The following FAM168A variants were observed in gnomAD, a reference collection of about 807,000 sequenced individuals.
The protein encoded by FAM168A is protein FAM168A.
FAM168A carries 3 observed loss-of-function variants against 28.5 expected under a neutral mutation model. The ratio of observed to expected loss-of-function variants is 0.11; its 90% CI spans 0.05 to 0.27. The LOEUF (loss-of-function observed/expected upper bound fraction) is 0.27, where lower values mean the gene tolerates loss of function less well. Among genes scored for constraint, FAM168A ranks in the 10% least tolerant of loss-of-function variants. The probability of loss-of-function intolerance (pLI) is 1.00; values close to 1 mark genes in which losing one functional copy is unlikely to be tolerated. For missense variants in FAM168A, 222 were observed against 311.5 expected (o/e 0.71, Z 2.16); for synonymous variants, 122 against 124.2 (o/e 0.98, Z 0.12).
chr11:73,447,966 A>G (rs1263547509), intron 2 of FAM168A, among the ~76,000 whole-genome samples: 1 of 152,220 alleles, frequency 6.6e-6, no homozygotes, highest in African/African-American at 2.4e-5. Flanking sequence ...ATAAAACGGG[A>G]TAATAATCAC....
chr11:73,472,775 G>C (rs1173095399), intron 1 of FAM168A, among the ~76,000 whole-genome samples: 1 of 152,130 alleles, frequency 6.6e-6, no homozygotes, highest in Non-Finnish European at 1.5e-5. Flanking sequence ...AGGTATGAGA[G>C]GAAGAAAGAC....
chr11:73,549,956 A>T (rs1943806360), intron 1 of FAM168A, among the ~76,000 whole-genome samples: 2 of 152,270 alleles, frequency 1.3e-5, no homozygotes, highest in Non-Finnish European at 2.9e-5. Flanking sequence ...TGTTTCTAGA[A>T]GGAATTTCTT....
intron 1 of FAM168A, among the ~76,000 whole-genome samples, chr11:73,544,961 A>G (rs1472520805): frequency 1.1e-5 from 1 of 92,500 alleles, no homozygotes; most frequent in East Asian, 2.5e-4. Context: ...TATATTATAT[A>G]TAATATATAT....
intron 2 of FAM168A, among the ~76,000 whole-genome samples, chr11:73,456,578 T>C (rs559710751): frequency 2.6e-5 from 4 of 152,364 alleles, no homozygotes; most frequent in African/African-American, 7.2e-5. Context: ...GATACTTTCT[T>C]TTATGCAATG....
intron 1 of FAM168A, among the ~76,000 whole-genome samples, chr11:73,515,147 T>G (rs1406684166): frequency 1.3e-5 from 2 of 152,176 alleles, no homozygotes; most frequent in African/African-American, 4.8e-5. Flanking sequence ...TGCCTAAGAT[T>G]CCTTCATTAA....
Position 73,443,135 on chromosome 11 carries a change from A to T in FAM168A, c.71-12365T>A, listed in dbSNP as rs895955476. On this transcript the variant is annotated intron_variant, in intron 2 of 7. Coordinates refer to ENST00000356467, the MANE Select transcript of FAM168A (RefSeq NM_015159.3). ...ATCATCCCAAAGCCTGTATCCTACA[A>T]CCTTTCTTAGCCCTTTCCCAGTGCT... Among the ~76,000 whole-genome samples the T allele has an allele frequency of 2.0e-5, 3 of 151,522 alleles. 1 individual carries two copies. The highest frequency in any genetic ancestry group is 1.5e-5 in the Non-Finnish European group (1 of 67,890).
rs1185146995 is a variant in FAM168A at position 73,565,355 on chromosome 11, C to A, written c.-19+32568G>T. ...AACACAGTAAGCTAAATTGAGACCA[C>A]ATTATAAGTTAAAGGAAAAACCCAC... is the stretch of plus-strand genomic sequence containing the variant. On this transcript the variant is annotated intron_variant, in intron 1 of 7. Transcript: ENST00000356467. Among the ~76,000 whole-genome samples the A allele has an allele frequency of 5.9e-5, 9 of 152,164 alleles. 1 individual carries two copies. The highest frequency in any genetic ancestry group is 2.0e-4 in the Admixed American group (3 of 15,278).
At chr11:73,421,309 T>G (rs960870235) in intron 3 of FAM168A, among the ~76,000 whole-genome samples, 1 of 152,196 alleles carries the variant, frequency 6.6e-6, no homozygotes, top group African/African-American at 2.4e-5. Flanking sequence ...ATCCCAGAAG[T>G]ACTGGGGCCA....
rs572143792 is a variant in FAM168A, at chr11:73,499,909, C to T, written c.-18-31417G>A. Among the ~76,000 whole-genome samples the T allele has an allele frequency of 7.9e-5, 12 of 152,022 alleles. No homozygotes were observed. The South Asian group carries it at 2.5e-3, about 32-fold the overall frequency. On this transcript the variant is annotated intron_variant, in intron 1 of 7. Transcript: ENST00000356467. ...CCAAACCTACGGTTGACTGGAGTAC[C>T]AGGAGATGGAGAGAATGGAAACAAG...
chr11:73,484,284 C>A (rs923953792), intron 1 of FAM168A, among the ~76,000 whole-genome samples: 1 of 152,012 alleles, frequency 6.6e-6, no homozygotes, highest in Non-Finnish European at 1.5e-5. Flanking sequence ...AGCTGAATAG[C>A]CCAGCCTATG....
At chr11:73,576,676 A>C (rs899994441) in intron 1 of FAM168A, among the ~76,000 whole-genome samples, 1 of 152,138 alleles carries the variant, frequency 6.6e-6, no homozygotes, top group Non-Finnish European at 1.5e-5. Context: ...ACAACTTTAC[A>C]AGCAGAACTC....
At chr11:73,434,113 G>A (rs1867047952) in intron 2 of FAM168A, among the ~76,000 whole-genome samples, 1 of 152,054 alleles carries the variant, frequency 6.6e-6, no homozygotes, top group South Asian at 2.1e-4. Flanking sequence ...CAAAGTGCTG[G>A]GATTACAGGC....
intron 2 of FAM168A, among the ~76,000 whole-genome samples, chr11:73,432,818 G>C (rs1393091423): frequency 6.6e-6 from 1 of 152,042 alleles, no homozygotes; most frequent in Non-Finnish European, 1.5e-5. Context: ...GGGAGGCTGG[G>C]GCTGCAGTGA....
intron 1 of FAM168A, among the ~76,000 whole-genome samples, chr11:73,491,297 G>A (rs1212218706): frequency 6.6e-6 from 1 of 152,154 alleles, no homozygotes; most frequent in East Asian, 1.9e-4. Flanking sequence ...CCAGCGGGAA[G>A]GAGACTTAAT....
chr11:73,529,744 C>T (rs1417395070), intron 1 of FAM168A, among the ~76,000 whole-genome samples: 1 of 151,820 alleles, frequency 6.6e-6, no homozygotes, highest in Non-Finnish European at 1.5e-5. Context: ...AGAGAAACAC[C>T]TAACTTTCCC....
chr11:73,588,081 T>A lies in FAM168A; in HGVS notation c.-19+9842A>T, dbSNP rs945102540. Among the ~76,000 whole-genome samples the A allele has an allele frequency of 2.0e-5, 3 of 152,170 alleles. No homozygotes were observed. The East Asian group carries it at 5.8e-4, about 29-fold the overall frequency. ...AAAGCATTTCTGCTGCATATTAAGGTACAAGAATTGTCTCAAAGAAAAGCA... is the reference window on the plus strand; with the variant it reads ...AAAGCATTTCTGCTGCATATTAAGGAACAAGAATTGTCTCAAAGAAAAGCA... On this transcript the variant is annotated intron_variant, in intron 1 of 7. Transcript: ENST00000356467.
intron 2 of FAM168A, among the ~76,000 whole-genome samples, chr11:73,450,195 CAT>C (rs924568978): frequency 7.9e-5 from 12 of 152,250 alleles, no homozygotes; most frequent in African/African-American, 2.4e-4. Flanking sequence ...ATAGCTGACA[CAT>C]GTGTGACATT....
chr11:73,448,405 C>T (rs962848549), intron 2 of FAM168A, among the ~76,000 whole-genome samples: 1 of 152,198 alleles, frequency 6.6e-6, no homozygotes, highest in Non-Finnish European at 1.5e-5. Flanking sequence ...CCTCACAACC[C>T]TTTCATGAGG....
At chr11:73,499,117 C>G (rs1007860589) in intron 1 of FAM168A, among the ~76,000 whole-genome samples, 4 of 152,120 alleles carry the variant, frequency 2.6e-5, no homozygotes. Context: ...CAGGCTGGTG[C>G]CCCTCAAGGT....
Sources: allele counts gnomAD v4.1 joint callset (sites outside exome capture counted in the v4.1 genomes callset), GRCh38; gene constraint gnomAD v4.1.1; transcripts MANE v1.5; gene names NCBI Gene and HGNC (gene_info 2026-07-23, HGNC 2026-07-21).